The following NEGR1 variants were observed in gnomAD, a reference collection of about 807,000 sequenced individuals.
NEGR1 encodes the protein IgLON family member 4.
In NEGR1, 10 loss-of-function variants were observed where a neutral mutation model predicts 40.9. That is an observed-to-expected ratio of 0.24 (90% CI 0.15 to 0.42). NEGR1 has a LOEUF of 0.42. NEGR1 is among the 10% of genes least tolerant of loss of function. NEGR1 has a pLI of 1.00. For missense variants in NEGR1, 352 were observed against 438.9 expected, an observed-to-expected ratio of 0.80 and a Z score of 1.77; for synonymous variants, 185 against 166.8, an observed-to-expected ratio of 1.11 and a Z score of -0.84.
chr1:72,248,680 C>T (rs370849609), intron 1 of NEGR1, among the ~76,000 whole-genome samples: 60 of 150,782 alleles, frequency 4.0e-4, no homozygotes, highest in African/African-American at 1.0e-3. Context: ...CCCACTGCAA[C>T]GTCTGCTTCC....
intron 6 of NEGR1, among the ~76,000 whole-genome samples, chr1:71,565,884 T>A (rs1254556059): frequency 4.6e-5 from 7 of 152,196 alleles, no homozygotes; most frequent in Admixed American, 4.6e-4. Context: ...TGCTAGTCTC[T>A]TCTTGCTGAT....
chr1:72,157,506 T>A (rs1000174489), intron 1 of NEGR1, among the ~76,000 whole-genome samples: 1 of 152,174 alleles, frequency 6.6e-6, no homozygotes. Flanking sequence ...TAGACAGATA[T>A]GTATGTAAGA....
intron 6 of NEGR1, among the ~76,000 whole-genome samples, chr1:71,533,372 C>T (rs1224710704): frequency 6.6e-6 from 1 of 151,516 alleles, no homozygotes; most frequent in East Asian, 2.0e-4. Context: ...GCTCAAATTG[C>T]CCCAAAATAA....
intron 4 of NEGR1, among the ~76,000 whole-genome samples, chr1:71,635,422 T>C (rs972760452): frequency 5.9e-5 from 9 of 151,942 alleles, no homozygotes; most frequent in Non-Finnish European, 1.2e-4. Context: ...ATTGCAGCAA[T>C]TGAGGTTGAG....
Position 71,407,340 on chromosome 1 carries a change from G to T in NEGR1, c.*106C>A. On this transcript the variant is annotated 3_prime_UTR_variant, in exon 7 of 7. Coordinates refer to ENST00000357731, the MANE Select transcript of NEGR1 (RefSeq NM_173808.3). The stretch of plus-strand genomic sequence containing the variant: ...ACAGAAGGCGATCATCCCCATGTAA[G>T]CACTGCTGATTATATCCCACGCTGC... 1 of 942,144 alleles carries T rather than the reference G, an allele frequency of 1.1e-6. No homozygotes were observed. Among genetic ancestry groups the T allele is most frequent in the Non-Finnish European group, 1.6e-6 (1 of 612,944 alleles). The allele number at this position is 942,144 out of a possible 1,614,324, so 58.4% of individuals were successfully genotyped here. A position where few individuals can be genotyped will look rare whatever the true frequency, so the allele number is the denominator to read the frequency against.
chr1:71,413,576 T>C (rs1318231410), intron 6 of NEGR1, among the ~76,000 whole-genome samples: 1 of 152,212 alleles, frequency 6.6e-6, no homozygotes, highest in Non-Finnish European at 1.5e-5. Context: ...TGCAATTTCT[T>C]CAGAGTCAGA....
At chr1:72,130,504 A>G (rs1419311503) in intron 1 of NEGR1, among the ~76,000 whole-genome samples, 1 of 152,132 alleles carries the variant, frequency 6.6e-6, no homozygotes, top group African/African-American at 2.4e-5. Flanking sequence ...TCCCTAATAA[A>G]TGCTTTAAAC....
chr1:72,282,257 G>A, intron 1 of NEGR1, 62 bp downstream of exon 1: 2 of 1,579,006 alleles, frequency 1.3e-6, no homozygotes, highest in Non-Finnish European at 1.7e-6. Flanking sequence ...AGGCAAAGAG[G>A]GTTCAAAGAG....
chr1:71,819,310 G>T (rs1224039566), intron 2 of NEGR1, among the ~76,000 whole-genome samples: 1 of 151,924 alleles, frequency 6.6e-6, no homozygotes, highest in Non-Finnish European at 1.5e-5. Flanking sequence ...ATTGAAAAAT[G>T]AATCCAGTTA....
At chr1:71,699,798 G>A (rs367953156) in intron 3 of NEGR1, among the ~76,000 whole-genome samples, 75 of 151,796 alleles carry the variant, frequency 4.9e-4, no homozygotes, top group African/African-American at 1.5e-3. Flanking sequence ...GGGACCTAGC[G>A]GGTAATTAAA....
At chr1:71,988,545 CAA>C (rs1197884975) in intron 1 of NEGR1, among the ~76,000 whole-genome samples, 6,735 of 37,568 alleles carry the variant, frequency 0.18, 44 homozygotes, top group East Asian at 0.37. Context: ...GACTCCGTCT[CAA>C]AAAAAAAAAA....
At chr1:72,090,333 A>C (rs988255858) in intron 1 of NEGR1, among the ~76,000 whole-genome samples, 3 of 151,062 alleles carry the variant, frequency 2.0e-5, no homozygotes, top group African/African-American at 7.3e-5. Flanking sequence ...AAAATTTTCC[A>C]ACTTCAGTTT....
In NEGR1 at chr1:71,611,068, C is replaced by T; in HGVS notation, c.746G>A (p.Gly249Asp). Reference protein sequence around the residue: ...RSGLIRCEGAGVPPPAFEWYK... With the variant: ...RSGLIRCEGADVPPPAFEWYK... ...CCATTCAAAGGCTGGAGGCGGCACA[C>T]CTGCACCTTCACATCTTATCAGGCC... The change falls in exon 5 of 7, where the codon GGT becomes GAT. Residue 249 changes from glycine (G) to aspartate (D), a missense_variant. Coordinates refer to ENST00000357731, the MANE Select transcript of NEGR1 (RefSeq NM_173808.3). 1 of 1,613,956 alleles carries T rather than the reference C, an allele frequency of 6.2e-7. No individual in the cohort carries two copies. Among genetic ancestry groups the T allele is most frequent in the Non-Finnish European group, 8.5e-7 (1 of 1,179,886 alleles).
At chr1:71,613,089 A>C (rs751394996) in intron 4 of NEGR1, among the ~76,000 whole-genome samples, 1 of 152,180 alleles carries the variant, frequency 6.6e-6, no homozygotes, top group Non-Finnish European at 1.5e-5. Context: ...AGAAAAGACC[A>C]TAGTGAGGCT....
intron 2 of NEGR1, among the ~76,000 whole-genome samples, chr1:71,842,059 T>C (rs991808110): frequency 3.9e-5 from 6 of 152,188 alleles, no homozygotes; most frequent in African/African-American, 1.2e-4. Context: ...CATTTTGCCT[T>C]GCAACTCATT....
intron 1 of NEGR1, among the ~76,000 whole-genome samples, chr1:72,169,336 A>G (rs1249427691): frequency 6.6e-6 from 1 of 152,168 alleles, no homozygotes; most frequent in African/African-American, 2.4e-5. Context: ...AACTTTCAGC[A>G]CATTCTATTA....
intron 1 of NEGR1, among the ~76,000 whole-genome samples, chr1:72,235,669 T>C (rs770603652): frequency 2.4e-4 from 37 of 151,996 alleles, no homozygotes; most frequent in Non-Finnish European, 4.3e-4. Flanking sequence ...TAAAGAACAA[T>C]GGGAAAAGTG....
intron 4 of NEGR1, among the ~76,000 whole-genome samples, chr1:71,639,902 C>A (rs1364945568): frequency 6.6e-6 from 1 of 152,046 alleles, no homozygotes; most frequent in African/African-American, 2.4e-5. Context: ...CTCTTCTTAA[C>A]ACACACTTCC....
chr1:71,403,337 G>A lies in NEGR1; in HGVS notation c.*4109C>T, dbSNP rs1646257900. The A allele has an allele frequency of 1.3e-5, 2 of 152,004 alleles. No homozygotes were observed. The highest frequency in any genetic ancestry group is 4.8e-5 in the African/African-American group (2 of 41,438). The allele number at this position is 152,004 out of a possible 1,614,324, so 9.4% of individuals were successfully genotyped here. A position where few individuals can be genotyped will look rare whatever the true frequency, so the allele number is the denominator to read the frequency against. On this transcript the variant is annotated 3_prime_UTR_variant, in exon 7 of 7. Transcript: ENST00000357731. ...CCCAGCTGTTAAGAAATTACACTCT[G>A]CCTGGCTCTTACAAGCGTTTGAGTT...
Sources: allele counts gnomAD v4.1 joint callset (sites outside exome capture counted in the v4.1 genomes callset), GRCh38; gene constraint gnomAD v4.1.1; transcripts MANE v1.5; gene names NCBI Gene and HGNC (gene_info 2026-07-23, HGNC 2026-07-21).